Variants in NEGR1 observed in about 807,000 individuals in gnomAD.
The protein encoded by NEGR1 is neuronal growth regulator 1.
A neutral mutation model predicts 40.9 loss-of-function variants in NEGR1; 10 were observed. The ratio of observed to expected loss-of-function variants is 0.24; its 90% CI spans 0.15 to 0.42. NEGR1 has a LOEUF of 0.42. Among genes scored for constraint, NEGR1 ranks in the 10% least tolerant of loss-of-function variants. NEGR1 has a pLI of 1.00. For synonymous variants in NEGR1, 185 were observed against 166.8 expected (o/e 1.11, Z -0.84); for missense variants, 352 against 438.9 (o/e 0.80, Z 1.77).
At chr1:71,730,591 A>ATATATATATATATG (rs1214466064) in intron 3 of NEGR1, among the ~76,000 whole-genome samples, 2 of 146,818 alleles carry the variant, frequency 1.4e-5, no homozygotes, top group African/African-American at 4.9e-5. Flanking sequence ...ATATATATAT[A>ATATATATATATATG]TAAATTTGAA....
chr1:71,926,547 G>A (rs1200906392), intron 2 of NEGR1, among the ~76,000 whole-genome samples: 1 of 150,922 alleles, frequency 6.6e-6, no homozygotes, highest in Non-Finnish European at 1.5e-5. Flanking sequence ...AATTCCAATA[G>A]TGCTCCTCCT....
At chr1:71,963,497 C>T (rs1458434895) in intron 1 of NEGR1, among the ~76,000 whole-genome samples, 1 of 152,130 alleles carries the variant, frequency 6.6e-6, no homozygotes, top group Admixed American at 6.6e-5. Context: ...AAAGTATAAA[C>T]TCATAGAGGT....
chr1:71,970,664 G>A (rs900124143), intron 1 of NEGR1, among the ~76,000 whole-genome samples: 2 of 151,986 alleles, frequency 1.3e-5, no homozygotes, highest in African/African-American at 4.8e-5. Context: ...ATCCACCCTG[G>A]GCAACAGAGC....
chr1:71,726,077 G>A (rs962974697), intron 3 of NEGR1, among the ~76,000 whole-genome samples: 1 of 152,128 alleles, frequency 6.6e-6, no homozygotes, highest in Non-Finnish European at 1.5e-5. Context: ...GCTGTTGTGA[G>A]TTATTGGAGT....
At chr1:71,565,027 T>C (rs1031744063) in intron 6 of NEGR1, among the ~76,000 whole-genome samples, 11 of 152,122 alleles carry the variant, frequency 7.2e-5, no homozygotes, top group African/African-American at 2.4e-4. Context: ...AAATTTTGCA[T>C]GATATTTTAA....
At chr1:71,957,028 C>G (rs781440973) in intron 1 of NEGR1, among the ~76,000 whole-genome samples, 1 of 152,122 alleles carries the variant, frequency 6.6e-6, no homozygotes, top group African/African-American at 2.4e-5. Context: ...AATACTCAGA[C>G]CATTTAGTAT....
chr1:71,977,220 G>C (rs540532546), intron 1 of NEGR1, among the ~76,000 whole-genome samples: 1 of 152,240 alleles, frequency 6.6e-6, no homozygotes, highest in South Asian at 2.1e-4. Context: ...AAGCTACTTG[G>C]GAGGCTGAGG....
At chr1:72,169,317 G>T (rs1184907287) in intron 1 of NEGR1, among the ~76,000 whole-genome samples, 4 of 152,134 alleles carry the variant, frequency 2.6e-5, no homozygotes, top group Admixed American at 2.6e-4. Context: ...TGAAAAATCA[G>T]CAAGATGTAA....
chr1:71,611,948 T>C (rs1213508), intron 4 of NEGR1, among the ~76,000 whole-genome samples: 4,594 of 152,182 alleles, frequency 0.03, 228 homozygotes, highest in African/African-American at 0.1. Flanking sequence ...ATTGGCCGAG[T>C]GCGGTGGCTC....
intron 6 of NEGR1, among the ~76,000 whole-genome samples, chr1:71,472,160 A>G (rs1457249437): frequency 6.6e-6 from 1 of 152,124 alleles, no homozygotes; most frequent in African/African-American, 2.4e-5. Context: ...TTTTACTTTA[A>G]GATCTATCAT....
chr1:71,970,728 A>G lies in NEGR1; in HGVS notation c.177-35417T>C, dbSNP rs76389292. On this transcript the variant is annotated intron_variant, in intron 1 of 6. Coordinates refer to ENST00000357731, the MANE Select transcript of NEGR1 (RefSeq NM_173808.3). ...CACTTAACTTAAATAATACTGCTCT[A>G]TGTCACATGACCTTGGGCATTCTTA... 1.0e-3 allele frequency among the ~76,000 whole-genome samples: 153 copies of G among 152,220 alleles called. 3 individuals are homozygous for G. In the East Asian group the frequency reaches 0.026, roughly 26 times the overall value.
chr1:72,079,999 G>A (rs574901174), intron 1 of NEGR1, among the ~76,000 whole-genome samples: 2 of 152,066 alleles, frequency 1.3e-5, no homozygotes, highest in East Asian at 1.9e-4. Context: ...TTCACCAGAC[G>A]AAGAACCATT....
At chr1:71,684,619 C>A (rs900205126) in intron 4 of NEGR1, among the ~76,000 whole-genome samples, 1 of 152,170 alleles carries the variant, frequency 6.6e-6, no homozygotes. Context: ...TATGTAGAGT[C>A]TCTTTCGAGA....
In NEGR1 at chr1:71,937,416, T is replaced by C. The variant is rs187323340; in HGVS notation, c.177-2105A>G. ...GGACTGTGATAATTCTAGTGTGTCA[T>C]TTAGTATCTGCATTCATCAAGTGTT... On this transcript the variant is annotated intron_variant, in intron 1 of 6. Coordinates refer to ENST00000357731, the MANE Select transcript of NEGR1 (RefSeq NM_173808.3). Among the ~76,000 whole-genome samples, 12 of 152,320 alleles carry C rather than the reference T, an allele frequency of 7.9e-5. No homozygotes were observed. The East Asian group carries it at 2.3e-3, about 29-fold the overall frequency.
intron 3 of NEGR1, among the ~76,000 whole-genome samples, chr1:71,745,581 G>A (rs1220639309): frequency 6.6e-6 from 1 of 152,122 alleles, no homozygotes; most frequent in Non-Finnish European, 1.5e-5. Context: ...AGTGGCTTAT[G>A]AGACAATCTA....
At chr1:71,784,432 CT>C (rs1656839703) in intron 2 of NEGR1, among the ~76,000 whole-genome samples, 1 of 151,738 alleles carries the variant, frequency 6.6e-6, no homozygotes, top group South Asian at 2.1e-4. Context: ...GAAATGATGA[CT>C]TATTAACTTG....
chr1:72,146,567 G>GTT (rs142125288), intron 1 of NEGR1, among the ~76,000 whole-genome samples: 6 of 151,264 alleles, frequency 4.0e-5, no homozygotes, highest in African/African-American at 1.2e-4. Context: ...TCATGCACAA[G>GTT]TTTTTTTTTA....
chr1:72,113,990 T>C (rs186951463), intron 1 of NEGR1, among the ~76,000 whole-genome samples: 1 of 151,898 alleles, frequency 6.6e-6, no homozygotes, highest in East Asian at 1.9e-4. Flanking sequence ...TGTAATGTTA[T>C]GTTATCATCT....
chr1:71,526,057 A>G (rs1335666592), intron 6 of NEGR1, among the ~76,000 whole-genome samples: 6 of 151,594 alleles, frequency 4.0e-5, no homozygotes, highest in Admixed American at 4.0e-4. Flanking sequence ...ATTAGAAAGC[A>G]CCTACTTTTT....
Sources: gnomAD v4.1 joint callset for allele counts (sites outside exome capture counted in the v4.1 genomes callset) on GRCh38, gnomAD v4.1.1 for gene constraint, MANE v1.5 for transcripts, NCBI Gene and HGNC (gene_info 2026-07-23, HGNC 2026-07-21) for gene names.